The following CD2AP variants were observed in gnomAD, a reference collection of about 807,000 sequenced individuals.
The protein encoded by CD2AP is CD2 associated protein, also known as CD2-associated protein.
Under a neutral mutation model 85.1 loss-of-function variants are expected in CD2AP, and 46 were observed. The observed-to-expected ratio is 0.54, with a 90% confidence interval of 0.43 to 0.69. The LOEUF (loss-of-function observed/expected upper bound fraction) is 0.69. Among genes scored for constraint, CD2AP ranks in the 30% least tolerant of loss-of-function variants. CD2AP has a pLI of 0.00. For synonymous variants in CD2AP, 255 were observed against 252.9 expected (o/e 1.01, Z -0.08); for missense variants, 769 against 729.5 (o/e 1.05, Z -0.62).
intron 11 of CD2AP, among the ~76,000 whole-genome samples, chr6:47,587,327 A>G (rs1331952522): frequency 6.6e-6 from 1 of 152,198 alleles, no homozygotes; most frequent in Non-Finnish European, 1.5e-5. Context: ...GAAAAGAGCT[A>G]CTTAGAAACC....
intron 1 of CD2AP, among the ~76,000 whole-genome samples, chr6:47,501,642 T>C (rs1273747208): frequency 3.3e-5 from 5 of 151,420 alleles, no homozygotes; most frequent in Admixed American, 1.3e-4. Context: ...GTGGTGGTGG[T>C]TGTGATTGTT....
intron 3 of CD2AP, among the ~76,000 whole-genome samples, chr6:47,537,384 A>G (rs1336528728): frequency 6.6e-6 from 1 of 152,164 alleles, no homozygotes; most frequent in East Asian, 1.9e-4. Context: ...AGACTCACTC[A>G]AATGACTAGA....
At chr6:47,498,326 A>G (rs1765918546) in intron 1 of CD2AP, among the ~76,000 whole-genome samples, 2 of 152,282 alleles carry the variant, frequency 1.3e-5, no homozygotes, top group African/African-American at 2.4e-5. Flanking sequence ...ATGATTCTCA[A>G]TCTTTTGTAG....
intron 2 of CD2AP, among the ~76,000 whole-genome samples, chr6:47,505,454 C>T (rs897912904): frequency 6.0e-5 from 9 of 150,960 alleles, no homozygotes; most frequent in Non-Finnish European, 1.0e-4. Context: ...GGCAACCATC[C>T]GATTTCTCAA....
chr6:47,516,896 T>G (rs1277378885), intron 2 of CD2AP, among the ~76,000 whole-genome samples: 3 of 152,188 alleles, frequency 2.0e-5, no homozygotes, highest in Non-Finnish European at 4.4e-5. Flanking sequence ...AGCACTTCAG[T>G]GTATATCAAT....
intron 2 of CD2AP, among the ~76,000 whole-genome samples, chr6:47,507,122 C>T (rs553030006): frequency 3.9e-5 from 6 of 152,300 alleles, no homozygotes; most frequent in South Asian, 4.2e-4. Context: ...ACTTTCTTTG[C>T]TCCTCCATAG....
chr6:47,614,470 A>T (rs1769529014), intron 17 of CD2AP, among the ~76,000 whole-genome samples: 1 of 152,220 alleles, frequency 6.6e-6, no homozygotes, highest in Non-Finnish European at 1.5e-5. Context: ...TGATCAGTGT[A>T]GCAGTTAGAA....
chr6:47,608,435 T>C (rs1030594439), intron 15 of CD2AP, among the ~76,000 whole-genome samples: 1 of 152,162 alleles, frequency 6.6e-6, no homozygotes, highest in Admixed American at 6.6e-5. Context: ...TTTCATCTGT[T>C]ACATGTGTTA....
intron 2 of CD2AP, among the ~76,000 whole-genome samples, chr6:47,512,227 A>T (rs760856329): frequency 1.3e-5 from 2 of 152,024 alleles, no homozygotes; most frequent in African/African-American, 2.4e-5. Flanking sequence ...CTGTAGTCCC[A>T]GCCACCCAGG....
At chr6:47,600,582 T>G (rs553777673) in intron 13 of CD2AP, among the ~76,000 whole-genome samples, 9 of 151,852 alleles carry the variant, frequency 5.9e-5, no homozygotes, top group Non-Finnish European at 1.3e-4. Flanking sequence ...AAGCTATATT[T>G]ACTACTAATT....
At chr6:47,544,777 G>GT in intron 4 of CD2AP, 71 bp downstream of exon 4, 1 of 914,670 alleles carries the variant, frequency 1.1e-6, no homozygotes, top group East Asian at 2.4e-5. Flanking sequence ...AAAATTAATT[G>GT]TAAGAATATT....
chr6:47,522,193 G>A (rs1236221169), intron 2 of CD2AP, among the ~76,000 whole-genome samples: 1 of 152,170 alleles, frequency 6.6e-6, no homozygotes, highest in East Asian at 1.9e-4. Flanking sequence ...GCATTTGGTA[G>A]TGAATTTTGC....
chr6:47,516,308 A>T (rs1766451608), intron 2 of CD2AP, among the ~76,000 whole-genome samples: 1 of 152,172 alleles, frequency 6.6e-6, no homozygotes. Flanking sequence ...GTGCTTTTGT[A>T]ATTTTTGAGG....
chr6:47,598,152 C>T (rs1435129689), intron 12 of CD2AP, among the ~76,000 whole-genome samples: 1 of 151,024 alleles, frequency 6.6e-6, no homozygotes, highest in Non-Finnish European at 1.5e-5. Context: ...TGGAAAAATG[C>T]TCAAAGTCAC....
At chr6:47,515,949 AAG>A (rs1222344710) in intron 2 of CD2AP, among the ~76,000 whole-genome samples, 1 of 152,234 alleles carries the variant, frequency 6.6e-6, no homozygotes, top group Non-Finnish European at 1.5e-5. Context: ...GTGGGAAAAA[AAG>A]TAAAAATACA....
chr6:47,491,199 G>T (rs1765721162), intron 1 of CD2AP, among the ~76,000 whole-genome samples: 1 of 151,458 alleles, frequency 6.6e-6, no homozygotes, highest in African/African-American at 2.4e-5. Context: ...TTTTGTTTGT[G>T]GTAAGAAATA....
At chr6:47,567,084 G>T (rs1013920211) in intron 5 of CD2AP, among the ~76,000 whole-genome samples, 1 of 145,780 alleles carries the variant, frequency 6.9e-6, no homozygotes, top group South Asian at 2.2e-4. Flanking sequence ...TGATTTCCCA[G>T]TTTTTTTTTT....
At chr6:47,546,721 A>C (rs1448484848) in intron 4 of CD2AP, among the ~76,000 whole-genome samples, 8 of 152,236 alleles carry the variant, frequency 5.3e-5, no homozygotes, top group African/African-American at 1.7e-4. Flanking sequence ...ACCTGGGCAC[A>C]TTGTCATCAG....
chr6:47,589,202 T>G (rs1768707716), intron 11 of CD2AP, among the ~76,000 whole-genome samples: 1 of 152,028 alleles, frequency 6.6e-6, no homozygotes, highest in Admixed American at 6.6e-5. Flanking sequence ...GGCTGAACTT[T>G]TACTAAGAGT....
Sources: gnomAD v4.1 joint callset for allele counts (sites outside exome capture counted in the v4.1 genomes callset) on GRCh38, gnomAD v4.1.1 for gene constraint, MANE v1.5 for transcripts, NCBI Gene and HGNC (gene_info 2026-07-23, HGNC 2026-07-21) for gene names.